SLC15A5: variants seen among roughly 807,000 people sequenced by gnomAD.
SLC15A5 encodes the protein solute carrier family 15 member 5, also known as Peptide/histidine transporter ENSP00000340402.
Under a neutral mutation model 56.1 loss-of-function variants are expected in SLC15A5, and 58 were observed. That is an observed-to-expected ratio of 1.03 (90% CI 0.84 to 1.29). The LOEUF (loss-of-function observed/expected upper bound fraction) is 1.29. SLC15A5 is among the 50% of genes most tolerant of loss of function. The pLI is 0.00. For missense variants in SLC15A5, 681 were observed against 672.1 expected (o/e 1.01, Z -0.15); for synonymous variants, 264 against 250.5 (o/e 1.05, Z -0.51).
chr12:16,207,106 G>C (rs924893967), intron 7 of SLC15A5, among the ~76,000 whole-genome samples: 17 of 152,112 alleles, frequency 1.1e-4, no homozygotes, highest in African/African-American at 3.9e-4. Flanking sequence ...ATATTAATTT[G>C]AGTGTCAAAT....
At chr12:16,227,222 G>T (rs1262752799) in intron 5 of SLC15A5, among the ~76,000 whole-genome samples, 1 of 152,086 alleles carries the variant, frequency 6.6e-6, no homozygotes. Context: ...TTTTGCTTCC[G>T]TAAACGGCTC....
Position 16,196,732 on chromosome 12 carries a change from G to T in SLC15A5, c.1484-2279C>A, listed in dbSNP as rs1170853447. Among the ~76,000 whole-genome samples, 1 of 152,066 alleles carries T rather than the reference G, an allele frequency of 6.6e-6. No homozygotes were observed. Among genetic ancestry groups the T allele is most frequent in the Non-Finnish European group, 1.5e-5 (1 of 68,010 alleles). ...TAACATGACATTAATTCTTCTTGGA[G>T]CATGAATTCTGGTCCATAATAAGTA... On this transcript the variant is annotated intron_variant, in intron 7 of 8. Transcript: ENST00000344941. This position sits in a 1 kb window ranked among gnomAD's most constrained non-coding sequence, Gnocchi z 4.0.
intron 3 of SLC15A5, among the ~76,000 whole-genome samples, chr12:16,245,895 T>A (rs1044192417): frequency 6.6e-6 from 1 of 152,208 alleles, no homozygotes; most frequent in Non-Finnish European, 1.5e-5. Flanking sequence ...AAATAAAGAA[T>A]ATGTATTAAT....
intron 2 of SLC15A5, among the ~76,000 whole-genome samples, chr12:16,265,716 C>A (rs1330587391): frequency 6.6e-6 from 1 of 152,118 alleles, no homozygotes; most frequent in Non-Finnish European, 1.5e-5. Flanking sequence ...CTCCTGAGCT[C>A]AAGCAATCCA....
chr12:16,269,670 G>A lies in SLC15A5; in HGVS notation c.584+2891C>T, dbSNP rs151116125. On this transcript the variant is annotated intron_variant, in intron 2 of 8. Coordinates refer to ENST00000344941, the MANE Select transcript of SLC15A5 (RefSeq NM_001170798.1). This position sits in a 1 kb window ranked among gnomAD's most constrained non-coding sequence, Gnocchi z 4.7. ...GTACCAGATAGTCAACATTTCTGGGGTGAAATAAGTCAGTCTCTAGACTTT... is the reference window on the plus strand; with the variant it reads ...GTACCAGATAGTCAACATTTCTGGGATGAAATAAGTCAGTCTCTAGACTTT... Among the ~76,000 whole-genome samples, 1,358 of 152,250 alleles carry A rather than the reference G, an allele frequency of 8.9e-3. 20 individuals are homozygous for A. The highest frequency in any genetic ancestry group is 0.032 in the African/African-American group (1,311 of 41,540).
At chr12:16,257,214 AATAT>A (rs1431656530) in intron 3 of SLC15A5, among the ~76,000 whole-genome samples, 3 of 152,112 alleles carry the variant, frequency 2.0e-5, no homozygotes, top group Non-Finnish European at 4.4e-5. Context: ...ACACCTACAT[AATAT>A]ATTACATATA....
Position 16,241,152 on chromosome 12 carries a change from C to A in SLC15A5, c.976-1285G>T, listed in dbSNP as rs1864411510. On this transcript the variant is annotated intron_variant, in intron 4 of 8. Coordinates refer to ENST00000344941, the MANE Select transcript of SLC15A5 (RefSeq NM_001170798.1). ...GTAGCGCATAGTATTTCTTTAATTC[C>A]CAGTGGTACACAAAGCTATTGAGTG... 2.0e-5 allele frequency among the ~76,000 whole-genome samples: 3 copies of A among 151,978 alleles called. No homozygotes were observed. The South Asian group carries it at 6.2e-4, about 32-fold the overall frequency.
chr12:16,270,152 A>T (rs1014314718), intron 2 of SLC15A5, among the ~76,000 whole-genome samples: 1 of 152,152 alleles, frequency 6.6e-6, no homozygotes, highest in Admixed American at 6.5e-5. Context: ...TGGTTTTCTC[A>T]CCTACATTTG....
Position 16,243,317 on chromosome 12 carries a change from T to C in SLC15A5, c.975+1263A>G, listed in dbSNP as rs1864430604. Among the ~76,000 whole-genome samples the C allele has an allele frequency of 6.6e-6, 1 of 151,850 alleles. No individual in the cohort carries two copies. The highest frequency in any genetic ancestry group is 1.5e-5 in the Non-Finnish European group (1 of 67,976). On this transcript the variant is annotated intron_variant, in intron 4 of 8. Coordinates refer to ENST00000344941, the MANE Select transcript of SLC15A5 (RefSeq NM_001170798.1). This position sits in a 1 kb window ranked among gnomAD's most constrained non-coding sequence, Gnocchi z 4.4. ...CCTCCGCCTCCTGGGTTCAAGCGAT[T>C]CTCCAGCCTCAGCCTCCCAAGCAGC... is the stretch of plus-strand genomic sequence containing the variant.
intron 6 of SLC15A5, among the ~76,000 whole-genome samples, chr12:16,219,420 A>T (rs181065298): frequency 1.2e-4 from 19 of 152,362 alleles, no homozygotes; most frequent in Admixed American, 8.5e-4. Flanking sequence ...TTTCCTTTCC[A>T]TAAGTACAAG....
At chr12:16,259,019 CTTTCCTTTTT>C (rs1864610712) in intron 2 of SLC15A5, among the ~76,000 whole-genome samples, 3 of 57,430 alleles carry the variant, frequency 5.2e-5, no homozygotes, top group Admixed American at 2.5e-4. Flanking sequence ...TCTTTTCTTT[CTTTCCTTTTT>C]TTTTTTTTTT....
At chr12:16,216,839 CATTCCCTAGTCATCA>C in intron 7 of SLC15A5, 39 bp downstream of exon 7, 2 of 1,457,300 alleles carry the variant, frequency 1.4e-6, no homozygotes, top group Non-Finnish European at 1.8e-6. Context: ...TTGGTCTCCC[CATTCCCTAGTCATCA>C]ACTCAATGTA....
intron 7 of SLC15A5, among the ~76,000 whole-genome samples, chr12:16,205,246 GA>G (rs1864002891): frequency 6.6e-6 from 1 of 151,642 alleles, no homozygotes. Flanking sequence ...AATAGACAAA[GA>G]TCAAAATATT....
intron 8 of SLC15A5, among the ~76,000 whole-genome samples, chr12:16,191,668 C>G (rs1178775391): frequency 1.3e-5 from 2 of 152,034 alleles, no homozygotes; most frequent in African/African-American, 4.8e-5. Flanking sequence ...AAATCGGAAT[C>G]ATGCGCTCCT....
chr12:16,258,755 G>T (rs1864605629), intron 2 of SLC15A5, among the ~76,000 whole-genome samples: 1 of 152,058 alleles, frequency 6.6e-6, no homozygotes, highest in South Asian at 2.1e-4. Flanking sequence ...GACCCACCCA[G>T]TATAATCTGG....
chr12:16,259,899 G>GGGGT (rs746133827), intron 2 of SLC15A5, among the ~76,000 whole-genome samples: 1 of 150,658 alleles, frequency 6.6e-6, no homozygotes, highest in African/African-American at 2.4e-5. Flanking sequence ...ACACCACCCG[G>GGGGT]GCGGGGGGTA....
intron 7 of SLC15A5, among the ~76,000 whole-genome samples, chr12:16,205,231 A>C (rs1031664398): frequency 3.9e-5 from 6 of 151,992 alleles, no homozygotes; most frequent in African/African-American, 1.4e-4. Flanking sequence ...AATTTTTTCC[A>C]GTCAAATAGA....
intron 2 of SLC15A5, among the ~76,000 whole-genome samples, chr12:16,258,724 AG>A (rs1864605143): frequency 6.6e-6 from 1 of 152,196 alleles, no homozygotes; most frequent in Non-Finnish European, 1.5e-5. Flanking sequence ...TAAAATTTAA[AG>A]GGCTTATGTG....
chr12:16,214,402 G>A (rs774772795), intron 7 of SLC15A5, among the ~76,000 whole-genome samples: 2 of 152,160 alleles, frequency 1.3e-5, no homozygotes, highest in Non-Finnish European at 2.9e-5. Context: ...GAATGGAGAG[G>A]GCCCATAGAT....
Sources: gnomAD v4.1 joint callset for allele counts (sites outside exome capture counted in the v4.1 genomes callset) on GRCh38, gnomAD v4.1.1 for gene constraint, Gnocchi (gnomAD v3.1) non-coding constraint, MANE v1.5 for transcripts, NCBI Gene and HGNC (gene_info 2026-07-23, HGNC 2026-07-21) for gene names.